Variants in GRAMD1B observed in about 807,000 individuals in gnomAD.
The protein encoded by GRAMD1B is protein Aster-B.
Under a neutral mutation model 99.7 loss-of-function variants are expected in GRAMD1B, and 37 were observed. The ratio of observed to expected loss-of-function variants is 0.37; its 90% CI spans 0.29 to 0.49. GRAMD1B has a LOEUF of 0.49. Ranked by LOEUF, GRAMD1B falls within the 20% of genes least tolerant of loss-of-function variation. The pLI is 0.98. For synonymous variants in GRAMD1B, 427 were observed against 387.6 expected, an observed-to-expected ratio of 1.10 and a Z score of -1.19; for missense variants, 888 against 1,009.2, an observed-to-expected ratio of 0.88 and a Z score of 1.63.
chr11:123,586,730 G>C (rs192748684), intron 4 of GRAMD1B, among the ~76,000 whole-genome samples: 1 of 152,220 alleles, frequency 6.6e-6, no homozygotes, highest in Non-Finnish European at 1.5e-5. Flanking sequence ...GGTTTTCTGT[G>C]TTCCTTCAGG....
chr11:123,362,457 C>T (rs917296220), intron 1 of GRAMD1B, among the ~76,000 whole-genome samples: 1 of 152,144 alleles, frequency 6.6e-6, no homozygotes, highest in African/African-American at 2.4e-5. Context: ...AAGCTTGCAA[C>T]AGGGTTAATT....
At chr11:123,416,516 C>G (rs1233838149) in intron 1 of GRAMD1B, among the ~76,000 whole-genome samples, 1 of 152,200 alleles carries the variant, frequency 6.6e-6, no homozygotes, top group Non-Finnish European at 1.5e-5. Context: ...AAATAAACCT[C>G]TATTTTAAGC....
At chr11:123,593,561 C>T (rs1237507738) in intron 4 of GRAMD1B, among the ~76,000 whole-genome samples, 1 of 152,266 alleles carries the variant, frequency 6.6e-6, no homozygotes, top group African/African-American at 2.4e-5. Flanking sequence ...TATCTCTGCG[C>T]TTATTGCAGT....
intron 1 of GRAMD1B, among the ~76,000 whole-genome samples, chr11:123,385,784 A>C (rs1947034115): frequency 6.6e-6 from 1 of 152,112 alleles, no homozygotes; most frequent in Admixed American, 6.5e-5. Flanking sequence ...ACTTTAACCC[A>C]AGAACCCTTT....
At chr11:123,407,602 C>A (rs978831547) in intron 1 of GRAMD1B, among the ~76,000 whole-genome samples, 1 of 152,160 alleles carries the variant, frequency 6.6e-6, no homozygotes, top group Non-Finnish European at 1.5e-5. Context: ...AGGTGATCTG[C>A]CATTTCTGTC....
intron 4 of GRAMD1B, 66 bp from the exon 5 acceptor site, chr11:123,594,015 CT>C: frequency 9.3e-7 from 1 of 1,074,954 alleles, no homozygotes; most frequent in Non-Finnish European, 1.5e-6. Flanking sequence ...TGCTCCTCAT[CT>C]TGCCCTTCCT....
chr11:123,370,051 ATGCCTGTGATTCTAGCACAC>A (rs1435219445), intron 1 of GRAMD1B, among the ~76,000 whole-genome samples: 1 of 152,082 alleles, frequency 6.6e-6, no homozygotes, highest in Non-Finnish European at 1.5e-5. Context: ...ATGATGGCTC[ATGCCTGTGATTCTAGCACAC>A]TGGGGGGCTG....
intron 17 of GRAMD1B, among the ~76,000 whole-genome samples, chr11:123,616,086 G>C (rs2137059205): frequency 6.6e-6 from 1 of 152,296 alleles, no homozygotes; most frequent in Non-Finnish European, 1.5e-5. Flanking sequence ...CACTTTGGGA[G>C]GCTGGGGCAG....
intron 1 of GRAMD1B, among the ~76,000 whole-genome samples, chr11:123,419,622 G>T (rs1045591687): frequency 6.6e-6 from 1 of 151,914 alleles, no homozygotes; most frequent in African/African-American, 2.4e-5. Flanking sequence ...CAGAGACCCT[G>T]TCTCTTAAAA....
At chr11:123,615,488 C>T (rs183579612) in intron 17 of GRAMD1B, among the ~76,000 whole-genome samples, 3 of 152,340 alleles carry the variant, frequency 2.0e-5, no homozygotes, top group Admixed American at 1.3e-4. Flanking sequence ...AGATGGACAG[C>T]ATCCTGGCTA....
At chr11:123,535,891 G>C (rs759296366) in intron 2 of GRAMD1B, among the ~76,000 whole-genome samples, 1 of 152,116 alleles carries the variant, frequency 6.6e-6, no homozygotes, top group Non-Finnish European at 1.5e-5. Flanking sequence ...CACTGAGTAG[G>C]TTCCTGAGTC....
chr11:123,421,127 T>C (rs963282301), intron 1 of GRAMD1B, among the ~76,000 whole-genome samples: 13 of 152,260 alleles, frequency 8.5e-5, no homozygotes, highest in Admixed American at 6.5e-4. Flanking sequence ...AAGTAAAATG[T>C]ATTAGGGTAA....
rs5795381 is a variant in GRAMD1B, at chr11:123,574,076, T to TAAAA, written c.453-3277_453-3274dup. Among the ~76,000 whole-genome samples the TAAAA allele has an allele frequency of 3.2e-5, 4 of 125,730 alleles. No homozygotes were observed. In the Admixed American group the frequency reaches 3.2e-4, roughly 10 times the overall value. The allele number at this position is 125,730 out of a possible 152,430, so 82.5% of individuals were successfully genotyped here. On this transcript the variant is annotated intron_variant, in intron 2 of 19. Coordinates refer to ENST00000635736, the MANE Select transcript of GRAMD1B (RefSeq NM_001387025.1). ...ATGGGTCTTGAAGAATGAACAGAATTAAAAAAAAAAAAAAAAAGAAGAAAG... is the reference window on the plus strand; with the variant it reads ...ATGGGTCTTGAAGAATGAACAGAATTAAAAAAAAAAAAAAAAAAAAAGAAGAAAG...
intron 1 of GRAMD1B, among the ~76,000 whole-genome samples, chr11:123,467,504 G>C (rs1950747862): frequency 6.7e-6 from 1 of 148,980 alleles, no homozygotes; most frequent in African/African-American, 2.5e-5. Flanking sequence ...TTGAGATGCA[G>C]CTTCCTCATG....
chr11:123,455,668 C>G (rs1342943751), intron 1 of GRAMD1B, among the ~76,000 whole-genome samples: 1 of 152,146 alleles, frequency 6.6e-6, no homozygotes, highest in East Asian at 1.9e-4. Context: ...TTTTTTGAGG[C>G]TACATTCTTC....
upstream of GRAMD1B, among the ~76,000 whole-genome samples, chr11:123,426,910 G>A (rs1412070439): frequency 1.3e-5 from 2 of 152,198 alleles, no homozygotes; most frequent in African/African-American, 4.8e-5. Context: ...GGTGTCTTGT[G>A]TCTGTAGGAA....
chr11:123,515,709 T>C (rs1941607843), intron 2 of GRAMD1B, among the ~76,000 whole-genome samples: 3 of 152,222 alleles, frequency 2.0e-5, no homozygotes, highest in Non-Finnish European at 4.4e-5. Context: ...CCACTATGTA[T>C]ATGTATATTT....
At position 123,541,212 on chromosome 11, in the gene GRAMD1B, G is replaced by T. The variant is rs575756265; in HGVS notation, c.453-36155G>T. ...GCTGGTCTCAAACTCCTGACCTCAG[G>T]TGATCCACCTGCCTCGGTGTCCCAA... is the stretch of plus-strand genomic sequence containing the variant. On this transcript the variant is annotated intron_variant, in intron 2 of 19. Transcript: ENST00000635736. 3.4e-4 allele frequency among the ~76,000 whole-genome samples: 51 copies of T among 152,218 alleles called. No individual in the cohort carries two copies. In the South Asian group the frequency reaches 0.01, roughly 31 times the overall value.
chr11:123,563,607 G>C (rs1260889415), intron 2 of GRAMD1B, among the ~76,000 whole-genome samples: 1 of 151,878 alleles, frequency 6.6e-6, no homozygotes, highest in Non-Finnish European at 1.5e-5. Flanking sequence ...TGTCTCCAGG[G>C]CTCAAGCAAT....
Sources: allele counts gnomAD v4.1 joint callset (sites outside exome capture counted in the v4.1 genomes callset), GRCh38; gene constraint gnomAD v4.1.1; transcripts MANE v1.5; gene names NCBI Gene and HGNC (gene_info 2026-07-23, HGNC 2026-07-21).